The following TMEFF2 variants were observed in gnomAD, a reference collection of about 807,000 sequenced individuals.
TMEFF2 encodes tomoregulin-2.
Under a neutral mutation model 53.8 loss-of-function variants are expected in TMEFF2, and 28 were observed. That is an observed-to-expected ratio of 0.52 (90% CI 0.39 to 0.71). The LOEUF is 0.71. Among genes scored for constraint, TMEFF2 ranks in the 30% least tolerant of loss-of-function variants. The pLI is 0.00. For missense variants in TMEFF2, 353 were observed against 455.2 expected, an observed-to-expected ratio of 0.78 and a Z score of 2.04; for synonymous variants, 162 against 166.3, an observed-to-expected ratio of 0.97 and a Z score of 0.20.
Position 191,950,229 on chromosome 2 carries a change from T to TCG in TMEFF2, c.*81_*82insCG. The TCG allele has an allele frequency of 6.3e-7, 1 of 1,585,250 alleles. No homozygotes were observed. The highest frequency in any genetic ancestry group is 8.6e-7 in the Non-Finnish European group (1 of 1,165,832). ...AAATGCAAGGCAACATGTGTAGATC[T>TCG]CTTGTCTTATTCTTTTGTCTATAAT... is the stretch of plus-strand genomic sequence containing the variant. On this transcript the variant is annotated 3_prime_UTR_variant, in exon 10 of 10. Coordinates refer to ENST00000272771, the MANE Select transcript of TMEFF2 (RefSeq NM_016192.4).
At chr2:192,045,629 G>A (rs889829147) in intron 5 of TMEFF2, among the ~76,000 whole-genome samples, 2 of 152,146 alleles carry the variant, frequency 1.3e-5, no homozygotes, top group African/African-American at 4.8e-5. Context: ...GGCAAAAAAG[G>A]GGGGTTATGC....
At chr2:192,176,432 G>T (rs535767408) in intron 4 of TMEFF2, among the ~76,000 whole-genome samples, 1 of 151,244 alleles carries the variant, frequency 6.6e-6, no homozygotes, top group Admixed American at 6.6e-5. Flanking sequence ...AAAAGAAGAG[G>T]ATACAGTCAG....
intron 4 of TMEFF2, among the ~76,000 whole-genome samples, chr2:192,064,224 G>A (rs1688115837): frequency 6.6e-6 from 1 of 151,588 alleles, no homozygotes; most frequent in Non-Finnish European, 1.5e-5. Context: ...TTGCTTTAAG[G>A]ATTACAATAT....
chr2:191,955,802 G>A (rs184694904), intron 8 of TMEFF2, among the ~76,000 whole-genome samples: 52 of 152,092 alleles, frequency 3.4e-4, no homozygotes, highest in Non-Finnish European at 7.2e-4. Context: ...GCAAAACAAG[G>A]ATTGATGATA....
chr2:192,021,425 A>G (rs1686858490), intron 5 of TMEFF2, among the ~76,000 whole-genome samples: 1 of 152,174 alleles, frequency 6.6e-6, no homozygotes, highest in Admixed American at 6.6e-5. Context: ...AGAAAAAGAC[A>G]AAGGGTGAAA....
intron 7 of TMEFF2, among the ~76,000 whole-genome samples, chr2:191,964,374 CTT>C (rs1692392336): frequency 5.1e-5 from 1 of 19,750 alleles, no homozygotes; most frequent in Non-Finnish European, 1.2e-4. Flanking sequence ...CTTTCTTTCT[CTT>C]TCTTTCTTTC....
At chr2:191,996,466 AATT>A (rs1379318388) in intron 7 of TMEFF2, among the ~76,000 whole-genome samples, 1 of 151,928 alleles carries the variant, frequency 6.6e-6, no homozygotes, top group Non-Finnish European at 1.5e-5. Context: ...AAAATATAAT[AATT>A]GTTTATAAAA....
intron 4 of TMEFF2, among the ~76,000 whole-genome samples, chr2:192,067,932 A>T (rs1008860930): frequency 1.3e-5 from 2 of 151,902 alleles, no homozygotes; most frequent in Non-Finnish European, 2.9e-5. Context: ...ATACTTAACA[A>T]ACCTGCCTTT....
At chr2:192,157,964 C>T (rs757634795) in intron 4 of TMEFF2, among the ~76,000 whole-genome samples, 12 of 152,080 alleles carry the variant, frequency 7.9e-5, no homozygotes, top group South Asian at 2.1e-4. Flanking sequence ...TTTCCTTGTT[C>T]GTTTGCCAAG....
At chr2:192,056,632 T>G (rs1490344312) in intron 5 of TMEFF2, among the ~76,000 whole-genome samples, 1 of 152,164 alleles carries the variant, frequency 6.6e-6, no homozygotes, top group Non-Finnish European at 1.5e-5. Context: ...GAGTAGTTAC[T>G]CCATCATCTT....
intron 5 of TMEFF2, among the ~76,000 whole-genome samples, chr2:192,053,784 C>T (rs978012070): frequency 6.6e-6 from 1 of 152,154 alleles, no homozygotes; most frequent in Admixed American, 6.5e-5. Context: ...GCTATTGCTT[C>T]CTATCTTACT....
chr2:191,950,005 T>TAAGA lies in TMEFF2; in HGVS notation c.*302_*305dup, dbSNP rs940294221. ...TTACAGTTATGAGATACCGCAAATT[T>TAAGA]AAGAATGCCAATTTTTTCTCATCAC... On this transcript the variant is annotated 3_prime_UTR_variant, in exon 10 of 10. Transcript: ENST00000272771. 9.0e-7 allele frequency: 1 copy of TAAGA among 1,112,038 alleles called. No individual in the cohort carries two copies. The highest frequency in any genetic ancestry group is 1.6e-5 in the African/African-American group (1 of 60,666). 68.9% of individuals were successfully genotyped at this position (1,112,038 alleles called of 1,614,324 possible).
chr2:192,112,671 T>C (rs1486005907), intron 4 of TMEFF2, among the ~76,000 whole-genome samples: 1 of 151,970 alleles, frequency 6.6e-6, no homozygotes, highest in Admixed American at 6.6e-5. Context: ...GGTCCAGGGG[T>C]GGAATGATAT....
chr2:192,057,972 T>A (rs889193586), intron 4 of TMEFF2, among the ~76,000 whole-genome samples, 197 bp from the exon 5 acceptor site: 1 of 152,214 alleles, frequency 6.6e-6, no homozygotes, highest in East Asian at 1.9e-4. Context: ...TTCCCATTGG[T>A]ATGTGGTGAA....
At chr2:192,032,535 C>G (rs2105874281) in intron 5 of TMEFF2, 1 of 152,210 alleles carries the variant, frequency 6.6e-6, no homozygotes, top group South Asian at 2.1e-4. Flanking sequence ...AGTGTATAAC[C>G]TTGGGCAGAT....
intron 4 of TMEFF2, among the ~76,000 whole-genome samples, chr2:192,165,662 T>C (rs75140078): frequency 0.014 from 2,143 of 151,916 alleles, 49 homozygotes; most frequent in African/African-American, 0.049. Context: ...TACTTTCCCA[T>C]CCACTCCCTT....
At chr2:192,068,107 A>C (rs1361785353) in intron 4 of TMEFF2, among the ~76,000 whole-genome samples, 1 of 151,906 alleles carries the variant, frequency 6.6e-6, no homozygotes, top group Non-Finnish European at 1.5e-5. Context: ...GAGGCTCAGA[A>C]CTTTTACTTG....
chr2:191,977,215 A>G (rs1234214926), intron 7 of TMEFF2, among the ~76,000 whole-genome samples: 2 of 152,234 alleles, frequency 1.3e-5, no homozygotes, highest in African/African-American at 4.8e-5. Flanking sequence ...GACGGGAGAG[A>G]GAGCATGGCT....
At chr2:192,155,391 C>G (rs527843657) in intron 4 of TMEFF2, among the ~76,000 whole-genome samples, 1 of 149,114 alleles carries the variant, frequency 6.7e-6, no homozygotes, top group South Asian at 2.2e-4. Context: ...AAATAAGATA[C>G]AGATTATGAA....
Sources: allele counts gnomAD v4.1 joint callset (sites outside exome capture counted in the v4.1 genomes callset), GRCh38; gene constraint gnomAD v4.1.1; transcripts MANE v1.5; gene names NCBI Gene and HGNC (gene_info 2026-07-23, HGNC 2026-07-21).